MARCHF1: variants seen among roughly 807,000 people sequenced by gnomAD.
MARCHF1 encodes the protein E3 ubiquitin-protein ligase MARCHF1.
In MARCHF1, 40 loss-of-function variants were observed where a neutral mutation model predicts 54.2. That is an observed-to-expected ratio of 0.74 (90% CI 0.57 to 0.96). The LOEUF is 0.96. Among genes scored for constraint, MARCHF1 ranks in the 40% least tolerant of loss-of-function variants. The pLI is 0.00. For missense variants in MARCHF1, 586 were observed against 656.5 expected, an observed-to-expected ratio of 0.89 and a Z score of 1.17; for synonymous variants, 236 against 236.3, an observed-to-expected ratio of 1.00 and a Z score of 0.01.
Position 163,835,274 on chromosome 4 carries a change from T to C in MARCHF1, c.111+18747A>G, listed in dbSNP as rs552685256. Reference sequence around the variant, plus strand: ...CTTCTTATCATTTATAATAAATATATAGAAATGGATAAGACCACATTCGTG... The same window carrying C: ...CTTCTTATCATTTATAATAAATATACAGAAATGGATAAGACCACATTCGTG... On this transcript the variant is annotated intron_variant, in intron 4 of 9. Coordinates refer to ENST00000514618, the MANE Select transcript of MARCHF1 (RefSeq NM_001394959.1). Among the ~76,000 whole-genome samples the C allele has an allele frequency of 1.5e-4, 23 of 152,302 alleles. No homozygotes were observed. In the South Asian group the frequency reaches 4.8e-3, roughly 32 times the overall value.
chr4:164,040,438 A>G (rs951430162), intron 2 of MARCHF1, among the ~76,000 whole-genome samples: 3 of 147,622 alleles, frequency 2.0e-5, no homozygotes, highest in African/African-American at 2.5e-5. Context: ...ATAAATATAT[A>G]GGTATATCCT....
chr4:163,759,308 A>G (rs902890160), intron 4 of MARCHF1, among the ~76,000 whole-genome samples: 2 of 152,132 alleles, frequency 1.3e-5, no homozygotes, highest in Non-Finnish European at 2.9e-5. Flanking sequence ...TTGTAAAAAT[A>G]TTTCCTTTAA....
intron 7 of MARCHF1, among the ~76,000 whole-genome samples, chr4:163,588,382 T>C (rs922089172): frequency 6.6e-6 from 1 of 152,208 alleles, no homozygotes; most frequent in East Asian, 1.9e-4. Flanking sequence ...TGTCATAGCA[T>C]AGATGCTCAG....
At chr4:163,830,440 A>G (rs1026072155) in intron 4 of MARCHF1, among the ~76,000 whole-genome samples, 1 of 152,150 alleles carries the variant, frequency 6.6e-6, no homozygotes, top group Non-Finnish European at 1.5e-5. Flanking sequence ...AAGGAGAGGA[A>G]AGAAATGTTG....
intron 3 of MARCHF1, among the ~76,000 whole-genome samples, chr4:163,887,709 G>A (rs1393830288): frequency 6.6e-6 from 1 of 152,080 alleles, no homozygotes; most frequent in Non-Finnish European, 1.5e-5. Flanking sequence ...AAATCAATTT[G>A]GCTGTTTCAC....
intron 8 of MARCHF1, 137 bp downstream of exon 8, chr4:163,585,612 C>A: frequency 1.7e-6 from 1 of 574,866 alleles, no homozygotes; most frequent in Non-Finnish European, 2.9e-6. Flanking sequence ...ATTTTGTGCA[C>A]TGAGCTCAAC....
chr4:164,047,514 C>T (rs1754267059), intron 2 of MARCHF1, among the ~76,000 whole-genome samples: 1 of 152,322 alleles, frequency 6.6e-6, no homozygotes, highest in East Asian at 1.9e-4. Context: ...TTAATAGAAA[C>T]AGAAAGCCAA....
intron 5 of MARCHF1, among the ~76,000 whole-genome samples, chr4:163,653,037 C>T (rs1361342997): frequency 6.6e-6 from 1 of 150,574 alleles, no homozygotes; most frequent in Non-Finnish European, 1.5e-5. Context: ...TCAGGTAGTG[C>T]TACGTACTAT....
chr4:164,029,858 G>A (rs1397760223), intron 2 of MARCHF1, among the ~76,000 whole-genome samples: 2 of 152,216 alleles, frequency 1.3e-5, no homozygotes, highest in East Asian at 3.9e-4. Flanking sequence ...GTCTCCCAAA[G>A]TGCTGGCATT....
intron 1 of MARCHF1, among the ~76,000 whole-genome samples, chr4:164,122,601 A>G (rs2952336): frequency 0.17 from 25,093 of 151,886 alleles, 2,523 homozygotes; most frequent in East Asian, 0.49. Context: ...AAACCTGACT[A>G]CAAAACCTGT....
intron 4 of MARCHF1, among the ~76,000 whole-genome samples, chr4:163,704,936 A>C (rs1415597930): frequency 6.6e-6 from 1 of 151,698 alleles, no homozygotes; most frequent in African/African-American, 2.4e-5. Context: ...GAGAACAAAA[A>C]AAATGATATC....
intron 5 of MARCHF1, among the ~76,000 whole-genome samples, chr4:163,614,691 C>T (rs1741456570): frequency 6.6e-6 from 1 of 152,040 alleles, no homozygotes; most frequent in South Asian, 2.1e-4. Context: ...TCTCAACATC[C>T]TAATCTTTGG....
intron 1 of MARCHF1, among the ~76,000 whole-genome samples, chr4:164,232,308 G>T (rs569397288): frequency 2.0e-5 from 3 of 152,144 alleles, no homozygotes; most frequent in Admixed American, 1.3e-4. Context: ...CCCTCACAAT[G>T]AATAAATATT....
chr4:164,334,785 G>T (rs774309609), intron 1 of MARCHF1, among the ~76,000 whole-genome samples: 8 of 152,282 alleles, frequency 5.3e-5, no homozygotes, highest in Non-Finnish European at 8.8e-5. Flanking sequence ...TTCTGGAAAG[G>T]ATTTGTCATT....
At chr4:163,933,551 A>C (rs1751727781) in intron 3 of MARCHF1, among the ~76,000 whole-genome samples, 1 of 152,234 alleles carries the variant, frequency 6.6e-6, no homozygotes, top group African/African-American at 2.4e-5. Flanking sequence ...AGTAATCTGA[A>C]CCAGTTCTGC....
chr4:164,188,528 G>A, intron 1 of MARCHF1: 1 of 715,720 alleles, frequency 1.4e-6, no homozygotes, highest in South Asian at 1.5e-5. Flanking sequence ...CGGCTGCGTG[G>A]AGATCACCGC....
At chr4:163,679,892 GC>G (rs933041755) in intron 5 of MARCHF1, among the ~76,000 whole-genome samples, 1 of 151,836 alleles carries the variant, frequency 6.6e-6, no homozygotes, top group Non-Finnish European at 1.5e-5. Context: ...GAGCCACCGC[GC>G]CCGGCCTTTA....
chr4:163,717,604 G>T (rs1438120646), intron 4 of MARCHF1, among the ~76,000 whole-genome samples: 1 of 152,092 alleles, frequency 6.6e-6, no homozygotes, highest in Non-Finnish European at 1.5e-5. Context: ...CTAGTTTACA[G>T]TCCCACCAAC....
chr4:164,010,643 C>T, intron 2 of MARCHF1, among the ~76,000 whole-genome samples: 1 of 152,010 alleles, frequency 6.6e-6, no homozygotes, highest in East Asian at 1.9e-4. Flanking sequence ...AAAGATATTT[C>T]ATGCTCATGA....
Sources: allele counts gnomAD v4.1 joint callset (sites outside exome capture counted in the v4.1 genomes callset), GRCh38; gene constraint gnomAD v4.1.1; transcripts MANE v1.5; gene names NCBI Gene and HGNC (gene_info 2026-07-23, HGNC 2026-07-21).